DNMT3L: variants seen among roughly 807,000 people sequenced by gnomAD.
DNMT3L encodes DNA methyltransferase 3 like.
A neutral mutation model predicts 36.2 loss-of-function variants in DNMT3L; 33 were observed. The observed-to-expected ratio is 0.91, with a 90% CI of 0.69 to 1.22. DNMT3L has a LOEUF of 1.22. Ranked by LOEUF, DNMT3L falls within the 50% of genes most tolerant of loss-of-function variation. The pLI, the probability that DNMT3L is intolerant of heterozygous loss-of-function variation, is 0.00. For synonymous variants in DNMT3L, 117 were observed against 121.7 expected (o/e 0.96, Z 0.26); for missense variants, 310 against 303.1 (o/e 1.02, Z -0.17).
At chr21:44,254,510 C>T in intron 8 of DNMT3L, 107 bp downstream of exon 8, 2 of 1,303,064 alleles carry the variant, frequency 1.5e-6, no homozygotes, top group East Asian at 5.0e-5. Flanking sequence ...GGACTCCTCC[C>T]AGCCCCTGCT....
rs998766814 is a variant in DNMT3L, at chr21:44,258,359, C to T, written c.516+164G>A. On this transcript the variant is annotated intron_variant, in intron 6 of 11. Transcript: ENST00000628202. This position sits in a 1 kb window ranked among gnomAD's most constrained non-coding sequence, Gnocchi z 6.2. ...AAAGCAGTTTACCCAAAGCCACCAT[C>T]GAGTGGAAGCCACTATCGGAGAGGA... is the stretch of plus-strand genomic sequence containing the variant. Among the ~76,000 whole-genome samples, 3 of 152,272 alleles carry T rather than the reference C, an allele frequency of 2.0e-5. No homozygotes were observed. Among genetic ancestry groups the T allele is most frequent in the Non-Finnish European group, 4.4e-5 (3 of 68,042 alleles).
Position 44,258,222 on chromosome 21 carries a change from A to G in DNMT3L, c.516+301T>C, listed in dbSNP as rs576143398. Among the ~76,000 whole-genome samples, 6 of 152,102 alleles carry G rather than the reference A, an allele frequency of 3.9e-5. No individual in the cohort carries two copies. The East Asian group carries it at 1.2e-3, about 29-fold the overall frequency. On this transcript the variant is annotated intron_variant, in intron 6 of 11. Transcript: ENST00000628202. The surrounding 1 kb of genome is among the most constrained non-coding windows in gnomAD (Gnocchi z 6.2). ...GCCCACACCTGGCCAGCAGAAGCCC[A>G]GGCACTTGCTCCTGAGGACTGGACT...
chr21:44,253,971 G>T (rs139101475), intron 8 of DNMT3L, among the ~76,000 whole-genome samples: 73 of 152,310 alleles, frequency 4.8e-4, no homozygotes, highest in Middle Eastern at 3.4e-3. Context: ...TGCCGAAAAG[G>T]CATGGTGGGG....
intron 7 of DNMT3L, among the ~76,000 whole-genome samples, 193 bp downstream of exon 7, chr21:44,255,874 G>A (rs956794035): frequency 2.0e-5 from 3 of 151,662 alleles, no homozygotes; most frequent in South Asian, 4.2e-4. Context: ...TGCCTGCGGG[G>A]CCCAGAAGAC....
At chr21:44,261,020 G>T in intron 2 of DNMT3L, 134 bp downstream of exon 2, 1 of 1,365,694 alleles carries the variant, frequency 7.3e-7, no homozygotes, top group Non-Finnish European at 1.0e-6. Flanking sequence ...GAAGACTGTG[G>T]GTGGGGAACC....
chr21:44,253,300 C>T (rs1448330404), intron 8 of DNMT3L, among the ~76,000 whole-genome samples: 1 of 118,592 alleles, frequency 8.4e-6, no homozygotes, highest in Non-Finnish European at 1.7e-5. Flanking sequence ...GAAGACAAAA[C>T]ACAGCCACCC....
intron 1 of DNMT3L, among the ~76,000 whole-genome samples, 185 bp downstream of exon 1, chr21:44,261,555 G>A (rs932580969): frequency 4.6e-5 from 7 of 152,084 alleles, no homozygotes; most frequent in Non-Finnish European, 7.4e-5. Flanking sequence ...GGGCCCTCAT[G>A]AGGACCTGGG....
chr21:44,261,224 C>T lies in DNMT3L; in HGVS notation c.36G>A (p.Glu12=). The T allele has an allele frequency of 6.2e-7, 1 of 1,612,674 alleles. No individual in the cohort carries two copies. The highest frequency in any genetic ancestry group is 8.5e-7 in the Non-Finnish European group (1 of 1,179,898). The change falls in exon 2 of 12, where the codon GAG becomes GAA. Residue 12 remains glutamate (E), a synonymous_variant. Coordinates refer to ENST00000628202, the MANE Select transcript of DNMT3L (RefSeq NM_175867.3). The part of the protein sequence containing the change: ...AAIPALDPEA[E]PSMDVILVGS... ...CCACCAAAATCACGTCCATGCTGGG[C>T]TCGGCCTCTGGGTCCAGGGCTGGGA... is the stretch of plus-strand genomic sequence containing the variant.
chr21:44,260,840 CT>C lies in DNMT3L; in HGVS notation c.107-2del, dbSNP rs750174301. ...GCCTTGACTTCATATGCAATAAGAT[CT>C]GGAAAGGAAGATAAGAAGTAGCCCC... On this transcript the variant is annotated splice_acceptor_variant, in intron 2 of 11. Transcript: ENST00000628202. LOFTEE classifies it high-confidence loss of function. The C allele has an allele frequency of 4.2e-5, 67 of 1,613,062 alleles. No individual in the cohort carries two copies. Among genetic ancestry groups the C allele is most frequent in the Non-Finnish European group, 5.2e-5 (61 of 1,179,940 alleles).
In DNMT3L at chr21:44,258,440, C is replaced by T; in HGVS notation, c.516+83G>A. 2 of 1,459,880 alleles carry T rather than the reference C, an allele frequency of 1.4e-6. No homozygotes were observed. Among genetic ancestry groups the T allele is most frequent in the South Asian group, 1.4e-5 (1 of 70,976 alleles). The allele number at this position is 1,459,880 out of a possible 1,614,324, so 90.4% of individuals were successfully genotyped here. On this transcript the variant is annotated intron_variant, in intron 6 of 11. Transcript: ENST00000628202. The surrounding 1 kb of genome is among the most constrained non-coding windows in gnomAD (Gnocchi z 6.2). ...GCAGCCGTGGTGCCCGTCGGCGCGC[C>T]TGCATTCTGCAGCGGGAACCGAGGG... is the stretch of plus-strand genomic sequence containing the variant.
chr21:44,260,771 G>A (rs755921084), intron 3 of DNMT3L, 24 bp downstream of exon 3: 2 of 1,613,082 alleles, frequency 1.2e-6, no homozygotes, highest in South Asian at 2.2e-5. Flanking sequence ...TTTGTCTGGT[G>A]TGGGCCAGTA....
chr21:44,260,750 GC>G, intron 3 of DNMT3L, 44 bp downstream of exon 3: 1 of 1,612,066 alleles, frequency 6.2e-7, no homozygotes, highest in Non-Finnish European at 8.5e-7. Context: ...GAGCCACTGT[GC>G]CCCGTCTCTT....
intron 1 of DNMT3L, 140 bp downstream of exon 1, chr21:44,261,600 G>A: frequency 7.7e-6 from 2 of 260,682 alleles, no homozygotes; most frequent in Non-Finnish European, 1.5e-5. Context: ...TTTCCTCTGG[G>A]CCCAGCCTTC....
In DNMT3L at chr21:44,260,733, T is replaced by C. The variant is rs2040309871; in HGVS notation, c.151+62A>G. ...TTGGTCTCCCAAAGTGCTGGGATTATAGGTGTGAGCCACTGTGCCCCGTCT... is the reference window on the plus strand; with the variant it reads ...TTGGTCTCCCAAAGTGCTGGGATTACAGGTGTGAGCCACTGTGCCCCGTCT... On this transcript the variant is annotated intron_variant, in intron 3 of 11. Transcript: ENST00000628202. 1.2e-5 allele frequency: 19 copies of C among 1,606,970 alleles called. No homozygotes were observed. In the South Asian group the frequency reaches 2.0e-4, roughly 17 times the overall value.
At chr21:44,256,679 A>G (rs1344787269) in intron 6 of DNMT3L, among the ~76,000 whole-genome samples, 2 of 151,918 alleles carry the variant, frequency 1.3e-5, no homozygotes, top group African/African-American at 4.8e-5. Context: ...CGGAGAAGAG[A>G]GCCCCAAGGC....
intron 7 of DNMT3L, among the ~76,000 whole-genome samples, chr21:44,255,484 C>T (rs1488964956): frequency 5.8e-5 from 8 of 138,534 alleles, no homozygotes; most frequent in Non-Finnish European, 1.5e-5. Context: ...CAAGCCTGGG[C>T]AACAGAGCGA....
At chr21:44,254,156 C>T (rs1259907602) in intron 8 of DNMT3L, among the ~76,000 whole-genome samples, 1 of 152,238 alleles carries the variant, frequency 6.6e-6, no homozygotes, top group African/African-American at 2.4e-5. Context: ...CTCCTTCCAG[C>T]AGCGGGAGGA....
chr21:44,258,521 A>C lies in DNMT3L; in HGVS notation c.516+2T>G. ...GGTGCTGCCCCTCCACGGGCTCCTT[A>C]CCGACTCTCGGTCGTAGAAGGCCTT... On this transcript the variant is annotated splice_donor_variant, in intron 6 of 11. Coordinates refer to ENST00000628202, the MANE Select transcript of DNMT3L (RefSeq NM_175867.3). LOFTEE classifies it high-confidence loss of function. The surrounding 1 kb of genome is among the most constrained non-coding windows in gnomAD (Gnocchi z 6.2). 6.4e-7 allele frequency: 1 copy of C among 1,558,552 alleles called. No individual in the cohort carries two copies. Among genetic ancestry groups the C allele is most frequent in the Non-Finnish European group, 8.7e-7 (1 of 1,150,748 alleles).
rs1332472491 is a variant in DNMT3L, at chr21:44,257,695, A to C, written c.516+828T>G. ...GACTCCGTCTCAAAAAAAAAAAAAA[A>C]ATAAATAAATAAATAAATAAATAAA... On this transcript the variant is annotated intron_variant, in intron 6 of 11. Transcript: ENST00000628202. Among the ~76,000 whole-genome samples the C allele has an allele frequency of 1.6e-4, 14 of 87,534 alleles. 1 individual carries two copies. The highest frequency in any genetic ancestry group is 0.011 in the Middle Eastern group (2 of 180). The allele number at this position is 87,534 out of a possible 152,430, so 57.4% of individuals were successfully genotyped here.
Sources: gnomAD v4.1 joint callset for allele counts (sites outside exome capture counted in the v4.1 genomes callset) on GRCh38, gnomAD v4.1.1 for gene constraint, Gnocchi (gnomAD v3.1) non-coding constraint, MANE v1.5 for transcripts, NCBI Gene and HGNC (gene_info 2026-07-23, HGNC 2026-07-21) for gene names.